ZFHX3: variants seen among roughly 807,000 people sequenced by gnomAD.
ZFHX3 encodes zinc finger homeobox protein 3.
A neutral mutation model predicts 279.1 loss-of-function variants in ZFHX3; 42 were observed. The ratio of observed to expected loss-of-function variants is 0.15; its 90% confidence interval spans 0.12 to 0.19. The LOEUF (loss-of-function observed/expected upper bound fraction) is 0.19, where lower values mean the gene tolerates loss of function less well. Among genes scored for constraint, ZFHX3 ranks in the 10% least tolerant of loss-of-function variants. The probability of loss-of-function intolerance (pLI) is 1.00; values close to 1 mark genes in which losing one functional copy is unlikely to be tolerated. For missense variants in ZFHX3, 4,981 were observed against 4,754.0 expected (o/e 1.05, Z -1.40); for synonymous variants, 2,293 against 1,957.8 (o/e 1.17, Z -4.52).
At position 73,337,721 on chromosome 16, in the gene ZFHX3, A is replaced by C. The variant is rs933521213; in HGVS notation, c.-1290-19385T>G. ...CTCACTTCTCATGACCCTTTTTCCT[A>C]CCCTTTCTAGGTCCCCACTGTACTG... On this transcript the variant is annotated intron_variant, in intron 3 of 17. Transcript: ENST00000641206. Among the ~76,000 whole-genome samples the C allele has an allele frequency of 7.1e-4, 106 of 150,148 alleles. 2 individuals carry two copies. Among genetic ancestry groups the C allele is most frequent in the African/African-American group, 2.5e-3 (100 of 40,752 alleles).
chr16:73,753,662 C>T (rs1007781411), intron 1 of ZFHX3, among the ~76,000 whole-genome samples: 2 of 152,334 alleles, frequency 1.3e-5, no homozygotes, highest in Non-Finnish European at 2.9e-5. Context: ...CCAGCTCACC[C>T]TCAAATGCTT....
intron 1 of ZFHX3, among the ~76,000 whole-genome samples, chr16:73,867,201 A>G (rs529386011): frequency 3.3e-4 from 50 of 152,272 alleles, no homozygotes; most frequent in African/African-American, 1.2e-3. Flanking sequence ...AAGACTCTCT[A>G]TGAGCCAATT....
intron 4 of ZFHX3, among the ~76,000 whole-genome samples, chr16:73,285,730 T>C (rs1411883179): frequency 6.6e-6 from 1 of 152,242 alleles, no homozygotes; most frequent in Non-Finnish European, 1.5e-5. Context: ...TTAAGCCCCC[T>C]GTTATTTCTC....
intron 7 of ZFHX3, among the ~76,000 whole-genome samples, chr16:73,108,617 C>T (rs1265165739): frequency 6.6e-6 from 1 of 152,124 alleles, no homozygotes; most frequent in African/African-American, 2.4e-5. Context: ...CCCTTCTCTG[C>T]CGGTCCTGGA....
chr16:73,408,563 G>A (rs766488599), intron 3 of ZFHX3, among the ~76,000 whole-genome samples: 2 of 152,170 alleles, frequency 1.3e-5, no homozygotes, highest in Non-Finnish European at 2.9e-5. Flanking sequence ...CAATTGTCTG[G>A]AAGCCTCTGG....
intron 1 of ZFHX3, among the ~76,000 whole-genome samples, chr16:73,056,261 CTG>C (rs1378730569): frequency 1.3e-5 from 2 of 152,218 alleles, no homozygotes; most frequent in Non-Finnish European, 1.5e-5. Context: ...TCAAGACTGA[CTG>C]TGTCTGTATT....
At chr16:73,053,088 AT>A (rs77396399), upstream of ZFHX3, among the ~76,000 whole-genome samples, 1,406 of 150,672 alleles carry the variant, frequency 9.3e-3, 18 homozygotes, top group African/African-American at 0.029. Flanking sequence ...CAAAACAATA[AT>A]TTTTTTTTTA....
At chr16:72,901,658 G>T (rs2039039589) in intron 3 of ZFHX3, among the ~76,000 whole-genome samples, 1 of 152,148 alleles carries the variant, frequency 6.6e-6, no homozygotes, top group East Asian at 1.9e-4. Flanking sequence ...TTGTTTTCTG[G>T]AAGGTTGAAA....
Position 72,787,603 on chromosome 16 carries a change from A to T in ZFHX3, c.10673T>A (p.Ile3558Asn), listed in dbSNP as rs769782746. 1 of 1,613,330 alleles carries T rather than the reference A, an allele frequency of 6.2e-7. No individual in the cohort carries two copies. Among genetic ancestry groups the T allele is most frequent in the African/African-American group, 1.3e-5 (1 of 74,680 alleles). Residue 3558 changes from isoleucine (I) to asparagine (N), a missense_variant, in exon 10 of 10, where the codon ATC becomes AAC. This residue lies in a region of ZFHX3 where 1,034 missense variants were observed against 786.0 expected (regional missense o/e 1.32). Coordinates refer to ENST00000268489, the MANE Select transcript of ZFHX3 (RefSeq NM_006885.4). Reference protein sequence around the residue: ...LESALHKHRTITRAARNAKEH... With the variant: ...LESALHKHRTNTRAARNAKEH... Reference sequence around the variant, plus strand: ...TTTGGCGTTTCTTGCTGCTCTCGTGATTGTTCTGTGTTTGTGCAAGGCCGA... The same window carrying T: ...TTTGGCGTTTCTTGCTGCTCTCGTGTTTGTTCTGTGTTTGTGCAAGGCCGA...
chr16:73,618,564 G>A (rs945227128), intron 2 of ZFHX3, among the ~76,000 whole-genome samples: 2 of 152,196 alleles, frequency 1.3e-5, no homozygotes. Context: ...ACCTTATGGA[G>A]AGATAAAAGA....
At chr16:73,110,664 A>G (rs1401248235) in intron 7 of ZFHX3, among the ~76,000 whole-genome samples, 1 of 152,020 alleles carries the variant, frequency 6.6e-6, no homozygotes, top group Non-Finnish European at 1.5e-5. Context: ...CCTGGGTCCA[A>G]ATGATCCTCC....
chr16:73,855,239 T>TG (rs1961697045), intron 1 of ZFHX3, among the ~76,000 whole-genome samples: 1 of 139,952 alleles, frequency 7.1e-6, no homozygotes, highest in Admixed American at 6.8e-5. Context: ...TTTTTTTTTT[T>TG]GTCAAATGCC....
rs201865011 is a variant in ZFHX3, at chr16:73,303,963, GAAAAAAAA to G, written c.-1194+14269_-1194+14276del. Among the ~76,000 whole-genome samples, 150 of 76,128 alleles carry G rather than the reference GAAAAAAAA, an allele frequency of 2.0e-3. 1 individual carries two copies. Among genetic ancestry groups the G allele is most frequent in the Non-Finnish European group, 3.0e-3 (114 of 37,630 alleles). The allele number at this position is 76,128 out of a possible 152,430, so 49.9% of individuals were successfully genotyped here. ...GATGGAGGTTCAAAAACCCTAGGTG[GAAAAAAAA>G]AAAAAAAAAAAAAAAAAAAGAAATG... On this transcript the variant is annotated intron_variant, in intron 4 of 17. Transcript: ENST00000641206.
intron 2 of ZFHX3, among the ~76,000 whole-genome samples, chr16:73,510,334 G>T (rs1353331895): frequency 6.6e-6 from 1 of 151,926 alleles, no homozygotes; most frequent in African/African-American, 2.4e-5. Context: ...GTTTGCCACT[G>T]TGTCCCTGGC....
intron 1 of ZFHX3, among the ~76,000 whole-genome samples, chr16:73,705,302 T>C (rs1042244963): frequency 2.6e-5 from 4 of 152,150 alleles, no homozygotes; most frequent in African/African-American, 9.7e-5. Flanking sequence ...ATTACACAGA[T>C]TCGCCTCAGT....
intron 2 of ZFHX3, among the ~76,000 whole-genome samples, chr16:73,618,694 C>G (rs1426901198): frequency 6.6e-6 from 1 of 152,132 alleles, no homozygotes; most frequent in Non-Finnish European, 1.5e-5. Context: ...CAGATTTGAA[C>G]TTTGAAAAAG....
chr16:73,462,361 A>G (rs1233371993), intron 2 of ZFHX3, among the ~76,000 whole-genome samples: 1 of 152,162 alleles, frequency 6.6e-6, no homozygotes, highest in Non-Finnish European at 1.5e-5. Context: ...TTTTGCAAAT[A>G]AAAATACTTC....
At chr16:73,471,934 C>G (rs886488972) in intron 2 of ZFHX3, among the ~76,000 whole-genome samples, 2 of 152,052 alleles carry the variant, frequency 1.3e-5, no homozygotes, top group African/African-American at 4.8e-5. Flanking sequence ...TGGTGGTGAT[C>G]CTCCTCCCCA....
At chr16:72,844,328 AG>A (rs2037422740) in intron 4 of ZFHX3, among the ~76,000 whole-genome samples, 1 of 152,192 alleles carries the variant, frequency 6.6e-6, no homozygotes, top group Admixed American at 6.5e-5. Flanking sequence ...AATAATCTAA[AG>A]TGACTGCAAT....
Sources: gnomAD v4.1 joint callset for allele counts (sites outside exome capture counted in the v4.1 genomes callset) on GRCh38, gnomAD v4.1.1 for gene constraint, gnomAD v4.1.1 regional missense constraint, MANE v1.5 for transcripts, NCBI Gene and HGNC (gene_info 2026-07-23, HGNC 2026-07-21) for gene names.